The following RLN2 variants were observed in gnomAD, a reference collection of about 807,000 sequenced individuals.
RLN2 encodes the protein relaxin 2.
RLN2 carries 10 observed loss-of-function variants against 7.3 expected under a neutral mutation model. The ratio of observed to expected loss-of-function variants is 1.36; its 90% CI spans 0.84 to 2.31. RLN2 has a LOEUF of 2.31. Ranked by LOEUF, RLN2 falls within the 30% of genes most tolerant of loss-of-function variation. The probability of loss-of-function intolerance (pLI) is 0.00; values close to 1 mark genes in which losing one functional copy is unlikely to be tolerated. For missense variants in RLN2, 298 were observed against 217.6 expected (o/e 1.37, Z -2.32); for synonymous variants, 103 against 82.3 (o/e 1.25, Z -1.36).
At chr9:5,312,919 C>A in the RLN2 span, among the ~76,000 whole-genome samples, 1 of 151,964 alleles carries the variant, frequency 6.6e-6, no homozygotes, top group South Asian at 2.1e-4. Flanking sequence ...TTTCTAGTTT[C>A]ATGACATTGT....
the RLN2 span, among the ~76,000 whole-genome samples, chr9:5,336,557 G>T: frequency 3.9e-5 from 6 of 152,098 alleles, no homozygotes; most frequent in Admixed American, 2.0e-4. Context: ...CCAGTTAAAA[G>T]ATATAAATTT....
Position 5,301,615 on chromosome 9 carries a change from TTGAAA to T in RLN2, c.212-1176_212-1172del, listed in dbSNP as rs1037343588. On this transcript the variant is annotated intron_variant, in intron 1 of 1. Transcript: ENST00000381627. ...ACTCTCCATTAACAAGGCATTACTC[TTGAAA>T]TAATGAAAATAAAGAGAAGAGGGGA... Among the ~76,000 whole-genome samples, 190 of 152,278 alleles carry T rather than the reference TTGAAA, an allele frequency of 1.2e-3. 1 individual carries two copies. Among genetic ancestry groups the T allele is most frequent in the Middle Eastern group, 6.8e-3 (2 of 294 alleles).
chr9:5,322,396 T>C, the RLN2 span, among the ~76,000 whole-genome samples: 38 of 152,142 alleles, frequency 2.5e-4, no homozygotes, highest in African/African-American at 8.4e-4. Context: ...TGAAAAGTAT[T>C]TAATAGTTAC....
the RLN2 span, among the ~76,000 whole-genome samples, chr9:5,322,163 A>C: frequency 1.3e-5 from 2 of 151,758 alleles, no homozygotes; most frequent in Non-Finnish European, 2.9e-5. Flanking sequence ...AATGAATAAG[A>C]TCCCTTCCAA....
chr9:5,312,061 G>C, the RLN2 span, among the ~76,000 whole-genome samples: 3 of 151,676 alleles, frequency 2.0e-5, no homozygotes, highest in Admixed American at 6.6e-5. Flanking sequence ...ATTGTTTTTG[G>C]GGGAAGGGGC....
upstream of RLN2, among the ~76,000 whole-genome samples, chr9:5,306,105 T>C (rs868368862): frequency 6.9e-6 from 1 of 144,462 alleles, no homozygotes; most frequent in Admixed American, 7.0e-5. Flanking sequence ...TGTTTTTGTT[T>C]TTTGTTTTTT....
At chr9:5,327,984 CAAAAAACA>C in the RLN2 span, among the ~76,000 whole-genome samples, 1 of 151,742 alleles carries the variant, frequency 6.6e-6, no homozygotes, top group African/African-American at 2.4e-5. Flanking sequence ...CTGAAAATTC[CAAAAAACA>C]GAGCACCACT....
At chr9:5,331,906 T>C in the RLN2 span, among the ~76,000 whole-genome samples, 4 of 151,994 alleles carry the variant, frequency 2.6e-5, 1 homozygote, top group Admixed American at 6.6e-5. Flanking sequence ...AAAATGTATT[T>C]ATCCTTGACT....
At chr9:5,324,025 C>T in the RLN2 span, among the ~76,000 whole-genome samples, 1 of 151,752 alleles carries the variant, frequency 6.6e-6, no homozygotes, top group Non-Finnish European at 1.5e-5. Flanking sequence ...CCAGTCTGGG[C>T]AACAGAGTAA....
chr9:5,325,341 C>G, the RLN2 span, among the ~76,000 whole-genome samples: 2 of 151,408 alleles, frequency 1.3e-5, no homozygotes, highest in East Asian at 3.9e-4. Context: ...ATAGGAAAGG[C>G]TAGAAAAAAA....
At chr9:5,335,641 T>C in the RLN2 span, 24 of 1,183,528 alleles carry the variant, frequency 2.0e-5, no homozygotes, top group Non-Finnish European at 2.8e-5. Flanking sequence ...CGTATTCACG[T>C]CAAAGAGCAT....
At chr9:5,307,050 C>A (rs577505268), upstream of RLN2, among the ~76,000 whole-genome samples, 1 of 152,060 alleles carries the variant, frequency 6.6e-6, no homozygotes, top group South Asian at 2.1e-4. Context: ...CTCTTGGGAC[C>A]ATGAGGTGTG....
chr9:5,334,435 C>T, the RLN2 span, among the ~76,000 whole-genome samples: 4 of 152,000 alleles, frequency 2.6e-5, no homozygotes, highest in African/African-American at 9.7e-5. Context: ...TAGATGGAAC[C>T]AGTAAAATAG....
intron 1 of RLN2, 99 bp downstream of exon 1, chr9:5,304,271 T>A (rs1167878088): frequency 1.6e-5 from 12 of 760,192 alleles, no homozygotes; most frequent in Non-Finnish European, 2.3e-5. Context: ...GCCAATGAGA[T>A]CTCGAGTCGG....
the RLN2 span, among the ~76,000 whole-genome samples, chr9:5,333,098 T>C: frequency 6.6e-6 from 1 of 151,980 alleles, no homozygotes; most frequent in Non-Finnish European, 1.5e-5. Context: ...TGGAAGCAAA[T>C]ATTTTAGTGA....
the RLN2 span, among the ~76,000 whole-genome samples, chr9:5,325,537 C>T: frequency 6.6e-6 from 1 of 151,962 alleles, no homozygotes; most frequent in African/African-American, 2.4e-5. Context: ...GTTCTATGGC[C>T]TGTATCACAA....
intron 1 of RLN2, among the ~76,000 whole-genome samples, chr9:5,302,309 C>G (rs1816164712): frequency 6.6e-6 from 1 of 152,142 alleles, no homozygotes; most frequent in Non-Finnish European, 1.5e-5. Context: ...GTAAATCTCA[C>G]TAAAATAGGC....
chr9:5,305,398 CACACAGAG>C (rs1279778099), upstream of RLN2, among the ~76,000 whole-genome samples: 70 of 138,358 alleles, frequency 5.1e-4, no homozygotes, highest in Middle Eastern at 7.0e-3. Flanking sequence ...CACACACACA[CACACAGAG>C]AGAGAGAGAG....
the RLN2 span, chr9:5,335,734 T>A: frequency 9.6e-6 from 6 of 623,542 alleles, no homozygotes; most frequent in East Asian, 2.7e-5. Flanking sequence ...CACAAAAGCA[T>A]CCTAATATCT....
Sources: gnomAD v4.1 joint callset for allele counts (sites outside exome capture counted in the v4.1 genomes callset) on GRCh38, gnomAD v4.1.1 for gene constraint, MANE v1.5 for transcripts, NCBI Gene and HGNC (gene_info 2026-07-23, HGNC 2026-07-21) for gene names.